PRMT8: variants seen among roughly 807,000 people sequenced by gnomAD.
The protein encoded by PRMT8 is protein arginine methyltransferase 8, also known as protein arginine N-methyltransferase 8.
A neutral mutation model predicts 47.1 loss-of-function variants in PRMT8; 7 were observed. The ratio of observed to expected loss-of-function variants is 0.15; its 90% CI spans 0.08 to 0.28. PRMT8 has a LOEUF of 0.28. PRMT8 is among the 10% of genes least tolerant of loss of function. PRMT8 has a pLI of 1.00. For synonymous variants in PRMT8, 188 were observed against 186.5 expected (o/e 1.01, Z -0.07); for missense variants, 237 against 505.4 (o/e 0.47, Z 5.09).
chr12:3,397,446 G>A (rs1259088062), intron 1 of PRMT8, among the ~76,000 whole-genome samples: 1 of 150,830 alleles, frequency 6.6e-6, no homozygotes, highest in East Asian at 2.0e-4. Flanking sequence ...ACCCTCAGCT[G>A]CAGGTCTGTT....
rs1195497636 is a variant in PRMT8 at position 3,570,232 on chromosome 12, C to T, written c.712+668C>T. ...TAAAGCCAAAAAACTTCTCCTCCCC[C>T]GCAATGTTTTACCTGGTCTGAAAAG... On this transcript the variant is annotated intron_variant, in intron 6 of 9. Coordinates refer to ENST00000382622, the MANE Select transcript of PRMT8 (RefSeq NM_019854.5). The surrounding 1 kb of genome is among the most constrained non-coding windows in gnomAD (Gnocchi z 5.5). 3.3e-5 allele frequency among the ~76,000 whole-genome samples: 5 copies of T among 152,104 alleles called. No individual in the cohort carries two copies. The highest frequency in any genetic ancestry group is 1.3e-4 in the Admixed American group (2 of 15,266).
At chr12:3,405,254 C>T (rs1393837968) in intron 1 of PRMT8, among the ~76,000 whole-genome samples, 1 of 152,144 alleles carries the variant, frequency 6.6e-6, no homozygotes, top group African/African-American at 2.4e-5. Context: ...CTCACTACAA[C>T]AAGACCAGCA....
chr12:3,513,535 A>T (rs1591578584), intron 1 of PRMT8, among the ~76,000 whole-genome samples: 1 of 152,084 alleles, frequency 6.6e-6, no homozygotes, highest in Non-Finnish European at 1.5e-5. Context: ...CACATCTTGG[A>T]ATGTGTTCCT....
At chr12:3,573,757 C>A (rs1866891768) in intron 6 of PRMT8, among the ~76,000 whole-genome samples, 1 of 152,112 alleles carries the variant, frequency 6.6e-6, no homozygotes, top group Non-Finnish European at 1.5e-5. Context: ...TGTTTTCATC[C>A]ATTAACAAAA....
At position 3,550,361 on chromosome 12, in the gene PRMT8, A is replaced by C; in HGVS notation, c.417+270A>C. Reference sequence around the variant, plus strand: ...CATTCCAATGTCATCATGACCTTTCAGTGCTTAGCCCCAAGGTCAGCTTCA... The same window carrying C: ...CATTCCAATGTCATCATGACCTTTCCGTGCTTAGCCCCAAGGTCAGCTTCA... On this transcript the variant is annotated intron_variant, in intron 3 of 9. Transcript: ENST00000382622. The surrounding 1 kb of genome is among the most constrained non-coding windows in gnomAD (Gnocchi z 5.1). 5.0e-6 allele frequency: 2 copies of C among 398,138 alleles called. No homozygotes were observed. Among genetic ancestry groups the C allele is most frequent in the South Asian group, 4.4e-5 (1 of 22,700 alleles). The allele number at this position is 398,138 out of a possible 1,614,324, so 24.7% of individuals were successfully genotyped here.
At chr12:3,444,804 G>A (rs1591551751) in intron 1 of PRMT8, among the ~76,000 whole-genome samples, 1 of 152,236 alleles carries the variant, frequency 6.6e-6, no homozygotes, top group African/African-American at 2.4e-5. Context: ...GAATATGGAG[G>A]GCCAAGCTGA....
intron 4 of PRMT8, among the ~76,000 whole-genome samples, chr12:3,556,095 G>A (rs924196800): frequency 6.6e-6 from 1 of 152,052 alleles, no homozygotes; most frequent in Non-Finnish European, 1.5e-5. Flanking sequence ...GCTCCTTTTT[G>A]CATGTGTTAG....
At chr12:3,488,819 T>G (rs1184539001), upstream of PRMT8, among the ~76,000 whole-genome samples, 1 of 152,228 alleles carries the variant, frequency 6.6e-6, no homozygotes, top group Non-Finnish European at 1.5e-5. Flanking sequence ...GCTAGGCACT[T>G]TTCACAATCA....
At chr12:3,457,279 T>C (rs1295136658) in intron 1 of PRMT8, among the ~76,000 whole-genome samples, 1 of 152,176 alleles carries the variant, frequency 6.6e-6, no homozygotes, top group African/African-American at 2.4e-5. Context: ...ACTGCTGTTC[T>C]GGGAGAATGT....
rs543611656 is a variant in PRMT8, at chr12:3,538,351, G to A, written c.76-2255G>A. 1.8e-5 allele frequency: 5 copies of A among 270,502 alleles called. No individual in the cohort carries two copies. Among genetic ancestry groups the A allele is most frequent in the East Asian group, 8.7e-5 (1 of 11,482 alleles). 16.8% of individuals were successfully genotyped at this position (270,502 alleles called of 1,614,324 possible). A position where few individuals can be genotyped will look rare whatever the true frequency, so the allele number is the denominator to read the frequency against. On this transcript the variant is annotated intron_variant, in intron 1 of 9. Coordinates refer to ENST00000382622, the MANE Select transcript of PRMT8 (RefSeq NM_019854.5). This position sits in a 1 kb window ranked among gnomAD's most constrained non-coding sequence, Gnocchi z 4.6. ...TCCTGGGAGGGCACAGTTCCCACAC[G>A]TCTATTTCTTCCACAGGACCTGCAC...
chr12:3,438,501 T>C (rs547889668), intron 1 of PRMT8, among the ~76,000 whole-genome samples: 7 of 152,250 alleles, frequency 4.6e-5, no homozygotes, highest in Non-Finnish European at 1.0e-4. Context: ...CAAGGTCTTT[T>C]GATAGAGCCT....
At chr12:3,542,839 C>G (rs1219456934) in intron 2 of PRMT8, among the ~76,000 whole-genome samples, 2 of 152,220 alleles carry the variant, frequency 1.3e-5, no homozygotes, top group African/African-American at 4.8e-5. Flanking sequence ...TTGGTGTCCC[C>G]AGCCTGTTAC....
At chr12:3,397,448 A>T (rs973652832) in intron 1 of PRMT8, among the ~76,000 whole-genome samples, 2 of 150,652 alleles carry the variant, frequency 1.3e-5, no homozygotes, top group African/African-American at 4.9e-5. Context: ...CCTCAGCTGC[A>T]GGTCTGTTGG....
At chr12:3,563,258 C>T (rs117520382) in intron 4 of PRMT8, among the ~76,000 whole-genome samples, 2,317 of 152,070 alleles carry the variant, frequency 0.015, 33 homozygotes, top group Non-Finnish European at 0.026. Flanking sequence ...CAGCCAAGCA[C>T]GTTGGGCCCT....
At chr12:3,429,817 G>A (rs144375246) in intron 1 of PRMT8, among the ~76,000 whole-genome samples, 73 of 152,356 alleles carry the variant, frequency 4.8e-4, no homozygotes, top group Middle Eastern at 6.8e-3. Context: ...GTGGTCCACC[G>A]GGGCAATTGC....
chr12:3,459,010 T>C (rs1433453390), intron 1 of PRMT8, among the ~76,000 whole-genome samples: 2 of 152,236 alleles, frequency 1.3e-5, no homozygotes, highest in Non-Finnish European at 2.9e-5. Context: ...TCTGAAACTG[T>C]GGATATGACG....
chr12:3,445,711 A>G (rs1864849106), intron 1 of PRMT8, among the ~76,000 whole-genome samples: 1 of 152,192 alleles, frequency 6.6e-6, no homozygotes, highest in Non-Finnish European at 1.5e-5. Flanking sequence ...TTCTGACTAA[A>G]TATTTCCGAC....
intron 6 of PRMT8, among the ~76,000 whole-genome samples, chr12:3,574,589 A>G (rs1305396372): frequency 2.6e-5 from 4 of 152,266 alleles, no homozygotes; most frequent in African/African-American, 9.6e-5. Flanking sequence ...TTTATGTATC[A>G]AGTGCTTTCT....
intron 1 of PRMT8, among the ~76,000 whole-genome samples, chr12:3,527,157 T>C (rs553190481): frequency 3.3e-5 from 5 of 152,332 alleles, no homozygotes; most frequent in African/African-American, 1.2e-4. Context: ...ATTGAACTTA[T>C]CATCATCTAC....
Sources: allele counts gnomAD v4.1 joint callset (sites outside exome capture counted in the v4.1 genomes callset), GRCh38; gene constraint gnomAD v4.1.1; non-coding constraint Gnocchi (gnomAD v3.1); transcripts MANE v1.5; gene names NCBI Gene and HGNC (gene_info 2026-07-23, HGNC 2026-07-21).